Variants in LARGE1 observed in about 807,000 individuals in gnomAD.
The protein encoded by LARGE1 is xylosyl- and glucuronyltransferase LARGE1.
A neutral mutation model predicts 87.6 loss-of-function variants in LARGE1; 43 were observed. The ratio of observed to expected loss-of-function variants is 0.49; its 90% CI spans 0.38 to 0.63. The LOEUF (loss-of-function observed/expected upper bound fraction) is 0.63, where lower values mean the gene tolerates loss of function less well. Among genes scored for constraint, LARGE1 ranks in the 30% least tolerant of loss-of-function variants. LARGE1 has a pLI of 0.00. For missense variants in LARGE1, 802 were observed against 1,000.2 expected (o/e 0.80, Z 2.67); for synonymous variants, 434 against 394.6 (o/e 1.10, Z -1.18).
At chr22:33,878,390 A>G (rs1466408147) in intron 1 of LARGE1, among the ~76,000 whole-genome samples, 3 of 151,696 alleles carry the variant, frequency 2.0e-5, no homozygotes, top group Non-Finnish European at 2.9e-5. Context: ...CAGCCTCCCA[A>G]AGTGCTGGGA....
chr22:33,273,137 C>T lies in LARGE1; in HGVS notation c.*1290G>A, dbSNP rs1212558195. On this transcript the variant is annotated 3_prime_UTR_variant, in exon 15 of 15. Transcript: ENST00000397394. The stretch of plus-strand genomic sequence containing the variant: ...GCAGCTTTCGCTGGTCACATTGCAA[C>T]TCAATACAAACAGCCCAGCAGAGGG... 2 of 337,656 alleles carry T rather than the reference C, an allele frequency of 5.9e-6. No individual in the cohort carries two copies. Among genetic ancestry groups the T allele is most frequent in the African/African-American group, 4.2e-5 (2 of 47,216 alleles). 20.9% of individuals were successfully genotyped at this position (337,656 alleles called of 1,614,324 possible). A position where few individuals can be genotyped will look rare whatever the true frequency, so the allele number is the denominator to read the frequency against.
intron 2 of LARGE1, chr22:33,724,322 G>A (rs373722519): frequency 6.6e-6 from 1 of 152,654 alleles, no homozygotes; most frequent in East Asian, 1.9e-4. Context: ...TGAAGGAGGA[G>A]AGCATGAGAC....
At chr22:33,323,012 C>T (rs1936899865) in intron 10 of LARGE1, among the ~76,000 whole-genome samples, 1 of 152,120 alleles carries the variant, frequency 6.6e-6, no homozygotes, top group African/African-American at 2.4e-5. Context: ...GTCCCAGCTA[C>T]TTGGGAGGCT....
chr22:33,330,535 G>C (rs8138392), intron 10 of LARGE1, among the ~76,000 whole-genome samples: 13,760 of 152,152 alleles, frequency 0.09, 1,604 homozygotes, highest in African/African-American at 0.28. Context: ...AAAAGGGAGA[G>C]AAATGCTAAG....
rs919216084 is a variant in LARGE1 at position 33,334,423 on chromosome 22, CAAAAAA to C, written c.1287+3217_1287+3222del. Among the ~76,000 whole-genome samples, 14 of 52,374 alleles carry C rather than the reference CAAAAAA, an allele frequency of 2.7e-4. No homozygotes were observed. In the South Asian group the frequency reaches 3.6e-3, roughly 14 times the overall value. 34.4% of individuals were successfully genotyped at this position (52,374 alleles called of 152,430 possible). The stretch of plus-strand genomic sequence containing the variant: ...AGACTCTGTCTCAAAAAAAAAAAAA[CAAAAAA>C]AAAAAACACCAAACAAAAAGAAACA... On this transcript the variant is annotated intron_variant, in intron 10 of 14. Coordinates refer to ENST00000397394, the MANE Select transcript of LARGE1 (RefSeq NM_133642.5).
the LARGE1 span, among the ~76,000 whole-genome samples, chr22:33,069,214 C>T: frequency 1.2e-4 from 19 of 152,046 alleles, no homozygotes; most frequent in Non-Finnish European, 2.8e-4. Context: ...TCTAACAATG[C>T]TTTATTTCAC....
At chr22:33,867,606 GCT>G (rs1405623748) in intron 1 of LARGE1, among the ~76,000 whole-genome samples, 1 of 152,206 alleles carries the variant, frequency 6.6e-6, no homozygotes, top group Non-Finnish European at 1.5e-5. Flanking sequence ...AAATCTGAAA[GCT>G]CTGTTTCATA....
At chr22:33,744,961 T>C (rs1266932457) in intron 2 of LARGE1, among the ~76,000 whole-genome samples, 1 of 152,152 alleles carries the variant, frequency 6.6e-6, no homozygotes, top group Non-Finnish European at 1.5e-5. Flanking sequence ...CCCTGGGTGA[T>C]GTGTCATGAA....
At chr22:33,469,649 AC>A (rs1490649179) in intron 6 of LARGE1, among the ~76,000 whole-genome samples, 11 of 151,530 alleles carry the variant, frequency 7.3e-5, no homozygotes, top group Admixed American at 2.0e-4. Context: ...ACATGGTGAA[AC>A]CCCCTCTCTA....
At chr22:33,094,662 C>T in the LARGE1 span, among the ~76,000 whole-genome samples, 1 of 151,992 alleles carries the variant, frequency 6.6e-6, no homozygotes, top group African/African-American at 2.4e-5. Flanking sequence ...AATACCACCT[C>T]ATTTACGAGA....
chr22:33,168,456 C>T (rs1429845661), intron 11 of LARGE1, among the ~76,000 whole-genome samples: 2 of 152,120 alleles, frequency 1.3e-5, no homozygotes, highest in Admixed American at 6.5e-5. Context: ...TTTTCAGTAC[C>T]AGAAGTCAAA....
rs575311334 is a variant in LARGE1, at chr22:33,405,353, G to A, written c.893-21049C>T. 1.8e-4 allele frequency among the ~76,000 whole-genome samples: 27 copies of A among 152,260 alleles called. No homozygotes were observed. The South Asian group carries it at 5.6e-3, about 32-fold the overall frequency. ...CAGTTCCAGAACAGGCCAAGCTGGA[G>A]CCCACATCAGGGCTGCTACATTCTT... On this transcript the variant is annotated intron_variant, in intron 7 of 14. Transcript: ENST00000397394.
intron 6 of LARGE1, among the ~76,000 whole-genome samples, chr22:33,482,790 C>T (rs1016801242): frequency 1.3e-5 from 2 of 152,098 alleles, no homozygotes; most frequent in African/African-American, 4.8e-5. Flanking sequence ...TGACTGTAGG[C>T]ACCCTATTTA....
intron 6 of LARGE1, among the ~76,000 whole-genome samples, chr22:33,478,366 T>G (rs1386595170): frequency 6.6e-6 from 1 of 152,212 alleles, no homozygotes; most frequent in Non-Finnish European, 1.5e-5. Context: ...ATCTCCCCAA[T>G]GTATTTAGCC....
chr22:33,836,338 A>T (rs780913971), intron 1 of LARGE1, among the ~76,000 whole-genome samples: 19 of 152,322 alleles, frequency 1.2e-4, no homozygotes, highest in Non-Finnish European at 1.6e-4. Context: ...GATTAAATAC[A>T]GTAACAAATG....
At chr22:33,551,012 TAG>T (rs2077508634) in intron 6 of LARGE1, among the ~76,000 whole-genome samples, 1 of 151,924 alleles carries the variant, frequency 6.6e-6, no homozygotes, top group Non-Finnish European at 1.5e-5. Flanking sequence ...CACATGGATG[TAG>T]AGAGTGGAAA....
intron 1 of LARGE1, among the ~76,000 whole-genome samples, chr22:33,878,294 C>T (rs1027222547): frequency 1.1e-4 from 16 of 151,514 alleles, no homozygotes; most frequent in South Asian, 2.1e-4. Context: ...CCCGCCATCA[C>T]GCCCAGCTAA....
At chr22:33,330,896 C>T (rs1937618938) in intron 10 of LARGE1, among the ~76,000 whole-genome samples, 1 of 152,174 alleles carries the variant, frequency 6.6e-6, no homozygotes, top group South Asian at 2.1e-4. Context: ...CTTCTTCCTA[C>T]CCTGAATTTC....
intron 6 of LARGE1, among the ~76,000 whole-genome samples, chr22:33,564,499 C>T (rs956119462): frequency 6.6e-6 from 1 of 152,222 alleles, no homozygotes; most frequent in African/African-American, 2.4e-5. Flanking sequence ...TACTACCTCA[C>T]AGGCTTTCTT....
Sources: allele counts gnomAD v4.1 joint callset (sites outside exome capture counted in the v4.1 genomes callset), GRCh38; gene constraint gnomAD v4.1.1; transcripts MANE v1.5; gene names NCBI Gene and HGNC (gene_info 2026-07-23, HGNC 2026-07-21).